HS6ST3: variants seen among roughly 807,000 people sequenced by gnomAD.
The protein encoded by HS6ST3 is heparan sulfate 6-O-sulfotransferase 3, also known as heparan-sulfate 6-O-sulfotransferase 3.
A neutral mutation model predicts 36.7 loss-of-function variants in HS6ST3; 12 were observed. That is an observed-to-expected ratio of 0.33 (90% CI 0.21 to 0.53). The LOEUF (loss-of-function observed/expected upper bound fraction) is 0.53, where lower values mean the gene tolerates loss of function less well. Among genes scored for constraint, HS6ST3 ranks in the 20% least tolerant of loss-of-function variants. The pLI is 0.95. For synonymous variants in HS6ST3, 240 were observed against 257.5 expected, an observed-to-expected ratio of 0.93 and a Z score of 0.65; for missense variants, 584 against 640.9, an observed-to-expected ratio of 0.91 and a Z score of 0.96.
chr13:96,705,667 G>T (rs1875401253), intron 1 of HS6ST3, among the ~76,000 whole-genome samples: 1 of 152,064 alleles, frequency 6.6e-6, no homozygotes, highest in Non-Finnish European at 1.5e-5. Context: ...ATCCTCAAAG[G>T]GCTGCTTTGT....
chr13:96,556,147 T>A (rs2056239892), intron 1 of HS6ST3, among the ~76,000 whole-genome samples: 1 of 152,176 alleles, frequency 6.6e-6, no homozygotes, highest in East Asian at 1.9e-4. Context: ...GAAAATGAAT[T>A]TTTGATCAAC....
intron 1 of HS6ST3, among the ~76,000 whole-genome samples, chr13:96,234,303 G>A (rs9525162): frequency 0.27 from 40,899 of 151,848 alleles, 6,773 homozygotes; most frequent in Admixed American, 0.36. Flanking sequence ...CCAGCTACTA[G>A]GGAGGCTGAG....
intron 1 of HS6ST3, among the ~76,000 whole-genome samples, chr13:96,444,371 G>A (rs1010341917): frequency 3.3e-5 from 5 of 152,148 alleles, no homozygotes; most frequent in African/African-American, 1.2e-4. Context: ...GGGTATTTTG[G>A]AATGGACCCT....
Position 96,685,381 on chromosome 13 carries a change from A to G in HS6ST3, c.708-147109A>G, listed in dbSNP as rs370124774. On this transcript the variant is annotated intron_variant, in intron 1 of 1. Transcript: ENST00000376705. ...GTACTAACTTTTAAATATTTGGCATAGATATGTGAAATATCAAAGTCTGTA... is the reference window on the plus strand; with the variant it reads ...GTACTAACTTTTAAATATTTGGCATGGATATGTGAAATATCAAAGTCTGTA... Among the ~76,000 whole-genome samples the G allele has an allele frequency of 2.2e-3, 337 of 152,226 alleles. 1 individual carries two copies. The highest frequency in any genetic ancestry group is 7.7e-3 in the African/African-American group (319 of 41,576).
intron 1 of HS6ST3, among the ~76,000 whole-genome samples, chr13:96,166,692 G>A (rs1388884330): frequency 6.6e-6 from 1 of 151,164 alleles, no homozygotes; most frequent in African/African-American, 2.4e-5. Flanking sequence ...GATTATAGGC[G>A]TGAGCCACTG....
chr13:96,351,264 T>C (rs936607683), intron 1 of HS6ST3, among the ~76,000 whole-genome samples: 1 of 151,752 alleles, frequency 6.6e-6, no homozygotes, highest in African/African-American at 2.4e-5. Flanking sequence ...GGTTATGAGG[T>C]TATAAAATAA....
At chr13:96,548,760 G>A (rs1272941927) in intron 1 of HS6ST3, among the ~76,000 whole-genome samples, 1 of 152,192 alleles carries the variant, frequency 6.6e-6, no homozygotes, top group Non-Finnish European at 1.5e-5. Context: ...AGGTCATCAG[G>A]TCAGACAGGC....
At chr13:96,427,837 G>C (rs1465447476) in intron 1 of HS6ST3, among the ~76,000 whole-genome samples, 1 of 152,110 alleles carries the variant, frequency 6.6e-6, no homozygotes, top group Non-Finnish European at 1.5e-5. Context: ...TCTTGGACTT[G>C]TCTTGCTTTC....
At chr13:96,448,934 G>GTC (rs145571314) in intron 1 of HS6ST3, among the ~76,000 whole-genome samples, 7,126 of 151,986 alleles carry the variant, frequency 0.047, 397 homozygotes, top group African/African-American at 0.13. Flanking sequence ...TTTTCATTTT[G>GTC]TCTCACCTTT....
intron 1 of HS6ST3, among the ~76,000 whole-genome samples, chr13:96,408,932 A>G (rs1444896294): frequency 6.6e-6 from 1 of 152,156 alleles, no homozygotes; most frequent in Non-Finnish European, 1.5e-5. Flanking sequence ...TCAAAAAAAA[A>G]GAAAAGAAAA....
intron 1 of HS6ST3, among the ~76,000 whole-genome samples, chr13:96,327,310 T>C (rs1300580040): frequency 6.6e-6 from 1 of 152,040 alleles, no homozygotes; most frequent in African/African-American, 2.4e-5. Flanking sequence ...TTTATGGTTT[T>C]AGGACTAACG....
chr13:96,709,706 T>TAC (rs1229238022), intron 1 of HS6ST3, among the ~76,000 whole-genome samples: 1 of 152,292 alleles, frequency 6.6e-6, no homozygotes, highest in East Asian at 1.9e-4. Flanking sequence ...CCTAGACTTG[T>TAC]AGCCTTTATA....
intron 1 of HS6ST3, among the ~76,000 whole-genome samples, chr13:96,193,401 C>A (rs1165412143): frequency 2.6e-5 from 4 of 151,952 alleles, no homozygotes; most frequent in Non-Finnish European, 4.4e-5. Context: ...GTGTAGATAA[C>A]TAAAATGGGG....
chr13:96,488,590 CT>C (rs2055927928), intron 1 of HS6ST3, among the ~76,000 whole-genome samples: 1 of 151,940 alleles, frequency 6.6e-6, no homozygotes, highest in Non-Finnish European at 1.5e-5. Context: ...CTTTTGTTGT[CT>C]AGTTTTTTCG....
At chr13:96,454,570 T>C (rs1040136480) in intron 1 of HS6ST3, among the ~76,000 whole-genome samples, 5 of 152,250 alleles carry the variant, frequency 3.3e-5, no homozygotes, top group Admixed American at 2.0e-4. Context: ...TCTGCTCATG[T>C]GTGATGCTGT....
intron 1 of HS6ST3, among the ~76,000 whole-genome samples, chr13:96,287,536 GT>G (rs2054809675): frequency 6.6e-6 from 1 of 152,030 alleles, no homozygotes; most frequent in African/African-American, 2.4e-5. Flanking sequence ...AAAATTTAAA[GT>G]AACATTGGTG....
chr13:96,793,375 C>T (rs72646748), intron 1 of HS6ST3, among the ~76,000 whole-genome samples: 13,686 of 152,062 alleles, frequency 0.09, 726 homozygotes, highest in Non-Finnish European at 0.12. Flanking sequence ...TGGAAACCCC[C>T]GGGTACCTTT....
At chr13:96,352,517 C>T (rs529875548) in intron 1 of HS6ST3, among the ~76,000 whole-genome samples, 1 of 152,308 alleles carries the variant, frequency 6.6e-6, no homozygotes, top group Non-Finnish European at 1.5e-5. Flanking sequence ...GCAGTGGAAG[C>T]AGAAGGGTCT....
intron 1 of HS6ST3, among the ~76,000 whole-genome samples, chr13:96,418,258 T>A (rs1049799096): frequency 6.6e-6 from 1 of 152,220 alleles, no homozygotes; most frequent in Admixed American, 6.5e-5. Flanking sequence ...TTGTTCCACC[T>A]CCGTTGGGAA....
Sources: gnomAD v4.1 joint callset for allele counts (sites outside exome capture counted in the v4.1 genomes callset) on GRCh38, gnomAD v4.1.1 for gene constraint, MANE v1.5 for transcripts, NCBI Gene and HGNC (gene_info 2026-07-23, HGNC 2026-07-21) for gene names.